The following TMEM38B variants were observed in gnomAD, a reference collection of about 807,000 sequenced individuals.
TMEM38B encodes transmembrane protein 38B.
In TMEM38B, 24 loss-of-function variants were observed where a neutral mutation model predicts 28.7. That is an observed-to-expected ratio of 0.84 (90% CI 0.61 to 1.18). TMEM38B has a LOEUF of 1.18. TMEM38B is among the 50% of genes most tolerant of loss of function. TMEM38B has a pLI of 0.00. For synonymous variants in TMEM38B, 131 were observed against 127.7 expected (o/e 1.03, Z -0.17); for missense variants, 380 against 350.9 (o/e 1.08, Z -0.66).
intron 4 of TMEM38B, among the ~76,000 whole-genome samples, chr9:105,745,565 T>C (rs1205383299): frequency 6.6e-6 from 1 of 152,206 alleles, no homozygotes; most frequent in Non-Finnish European, 1.5e-5. Flanking sequence ...GTAGTTTCTT[T>C]TGCTGTGCAG....
rs114388166 is a variant in TMEM38B at position 105,767,082 on chromosome 9, C to G, written c.661-6783C>G. Among the ~76,000 whole-genome samples the G allele has an allele frequency of 5.2e-3, 783 of 151,818 alleles. 14 individuals are homozygous for G. Among genetic ancestry groups the G allele is most frequent in the African/African-American group, 0.018 (754 of 41,440 alleles). ...AAAGGACATGAACTCATCCTTTTTA[C>G]TTTTAGAGTCTGTGAACCATTTCAA... is the stretch of plus-strand genomic sequence containing the variant. On this transcript the variant is annotated intron_variant, in intron 5 of 5. Coordinates refer to ENST00000374692, the MANE Select transcript of TMEM38B (RefSeq NM_018112.3).
intron 4 of TMEM38B, among the ~76,000 whole-genome samples, chr9:105,724,575 A>G (rs1836439336): frequency 6.6e-6 from 1 of 151,668 alleles, no homozygotes; most frequent in Non-Finnish European, 1.5e-5. Flanking sequence ...ATGAGCTGAG[A>G]TCGCACCACT....
chr9:105,745,131 T>C (rs1837341495), intron 4 of TMEM38B, among the ~76,000 whole-genome samples: 1 of 152,214 alleles, frequency 6.6e-6, no homozygotes, highest in Non-Finnish European at 1.5e-5. Context: ...TCAAATGGTA[T>C]TTCTAGTTCT....
At chr9:105,727,829 C>T (rs1251207079) in intron 4 of TMEM38B, among the ~76,000 whole-genome samples, 1 of 152,126 alleles carries the variant, frequency 6.6e-6, no homozygotes, top group East Asian at 1.9e-4. Context: ...TTACCATCCT[C>T]TTGTGATAAG....
intron 2 of TMEM38B, chr9:105,710,352 T>A: frequency 2.7e-6 from 2 of 734,404 alleles, no homozygotes; most frequent in Non-Finnish European, 4.8e-6. Flanking sequence ...TTTCTAGGAT[T>A]ATATGATCTT....
intron 5 of TMEM38B, among the ~76,000 whole-genome samples, chr9:105,751,568 C>T (rs1837652750): frequency 6.6e-6 from 1 of 152,190 alleles, no homozygotes; most frequent in Non-Finnish European, 1.5e-5. Context: ...GGGCTGAATC[C>T]AGGGAACCAA....
chr9:105,743,561 G>C (rs1222034351), intron 4 of TMEM38B, among the ~76,000 whole-genome samples: 1 of 151,972 alleles, frequency 6.6e-6, no homozygotes, highest in Non-Finnish European at 1.5e-5. Flanking sequence ...CTTCTTATTT[G>C]GTAAATTAGC....
chr9:105,737,092 G>T (rs1837013328), intron 4 of TMEM38B, among the ~76,000 whole-genome samples: 1 of 152,226 alleles, frequency 6.6e-6, no homozygotes, highest in Non-Finnish European at 1.5e-5. Context: ...CAGGGTGCGT[G>T]CTTGGATTGG....
intron 5 of TMEM38B, among the ~76,000 whole-genome samples, chr9:105,769,347 G>A (rs1398264517): frequency 2.0e-5 from 3 of 152,088 alleles, no homozygotes; most frequent in African/African-American, 4.8e-5. Context: ...ACAGGGTCTC[G>A]CTCTGTCACT....
At chr9:105,748,508 G>T (rs1837518667) in intron 5 of TMEM38B, among the ~76,000 whole-genome samples, 1 of 152,146 alleles carries the variant, frequency 6.6e-6, no homozygotes, top group African/African-American at 2.4e-5. Flanking sequence ...GTAAAATGAG[G>T]CACTTGAGAT....
At chr9:105,730,062 G>A (rs1305054499) in intron 4 of TMEM38B, among the ~76,000 whole-genome samples, 3 of 151,966 alleles carry the variant, frequency 2.0e-5, no homozygotes, top group African/African-American at 4.8e-5. Context: ...ATTTGAATAC[G>A]CTTTATTTCT....
At chr9:105,722,848 AG>A (rs1836371836) in intron 4 of TMEM38B, among the ~76,000 whole-genome samples, 1 of 152,214 alleles carries the variant, frequency 6.6e-6, no homozygotes, top group Admixed American at 6.5e-5. Context: ...TTCTCTCCTT[AG>A]AAAACAAAAT....
Position 105,748,222 on chromosome 9 carries a change from A to G in TMEM38B, c.660+32A>G, listed in dbSNP as rs777079262. 3.4e-6 allele frequency: 5 copies of G among 1,477,032 alleles called. No individual in the cohort carries two copies. In the Admixed American group the frequency reaches 5.1e-5, roughly 15 times the overall value. 91.5% of individuals were successfully genotyped at this position (1,477,032 alleles called of 1,614,324 possible). On this transcript the variant is annotated intron_variant, in intron 5 of 5. Coordinates refer to ENST00000374692, the MANE Select transcript of TMEM38B (RefSeq NM_018112.3). ...ATTCAAAGTACCTATAATTATTACA[A>G]ATCCTGTATAACTATTCCCCTTTGA... is the stretch of plus-strand genomic sequence containing the variant.
chr9:105,724,689 CAA>C (rs1415341242), intron 4 of TMEM38B, among the ~76,000 whole-genome samples: 1 of 150,926 alleles, frequency 6.6e-6, no homozygotes, highest in Non-Finnish European at 1.5e-5. Flanking sequence ...TGTGAACTAA[CAA>C]ATTTCGGGAT....
chr9:105,748,033 T>A, intron 4 of TMEM38B, 40 bp from the exon 5 acceptor site: 1 of 1,353,514 alleles, frequency 7.4e-7, no homozygotes, highest in South Asian at 1.2e-5. Flanking sequence ...AGATATGTCA[T>A]ATTTATTACT....
chr9:105,767,410 T>G (rs1221635229), intron 5 of TMEM38B, among the ~76,000 whole-genome samples: 5 of 152,204 alleles, frequency 3.3e-5, no homozygotes, highest in African/African-American at 1.2e-4. Flanking sequence ...TCAATATTTC[T>G]TAGGATAGTC....
intron 1 of TMEM38B, among the ~76,000 whole-genome samples, chr9:105,696,445 G>A (rs553306136): frequency 1.6e-4 from 24 of 152,206 alleles, no homozygotes; most frequent in South Asian, 1.5e-3. Context: ...CACCAAGTTC[G>A]GCTAATTTTT....
chr9:105,745,002 G>C (rs1490922671), intron 4 of TMEM38B, among the ~76,000 whole-genome samples: 4 of 152,160 alleles, frequency 2.6e-5, no homozygotes, highest in African/African-American at 9.7e-5. Context: ...GGATATTTGG[G>C]TTGGTTCCAA....
intron 5 of TMEM38B, among the ~76,000 whole-genome samples, chr9:105,769,531 G>T (rs1450355862): frequency 1.3e-5 from 2 of 152,050 alleles, no homozygotes; most frequent in Admixed American, 1.3e-4. Context: ...GCCCAGGCTG[G>T]TCTCAAACTT....
Sources: gnomAD v4.1 joint callset for allele counts (sites outside exome capture counted in the v4.1 genomes callset) on GRCh38, gnomAD v4.1.1 for gene constraint, MANE v1.5 for transcripts, NCBI Gene and HGNC (gene_info 2026-07-23, HGNC 2026-07-21) for gene names.